Variants in MEG3 observed in about 807,000 individuals in gnomAD.
MEG3 encodes Very putative protein from MEG3 locus.
upstream of MEG3, chr14:100,855,588 A>C (rs2038215534): frequency 6.6e-6 from 1 of 152,244 alleles, no homozygotes; most frequent in Non-Finnish European, 1.5e-5. Flanking sequence ...CTTTGCTTTC[A>C]GCCTTTCAGC....
intron 2 of MEG3, among the ~76,000 whole-genome samples, chr14:100,838,546 G>C (rs1419871017): frequency 6.6e-6 from 1 of 152,202 alleles, no homozygotes; most frequent in Non-Finnish European, 1.5e-5. Context: ...TGATGGATTG[G>C]CCAATGCCTG....
Position 100,837,439 on chromosome 14 carries a change from G to A in MEG3, n.3045+1139G>A, listed in dbSNP as rs2037618420. ...AGAAGCTGGGTGGGCGCTGAGAAAG[G>A]TCTGAACCGTGGGGTGAGGCTGGCT... On this transcript the variant is annotated intron_variant and non_coding_transcript_variant, in intron 2 of 3. Coordinates refer to the MEG3 transcript ENST00000398461. The surrounding 1 kb of genome is among the most constrained non-coding windows in gnomAD (Gnocchi z 5.8). Among the ~76,000 whole-genome samples, 1 of 152,134 alleles carries A rather than the reference G, an allele frequency of 6.6e-6. No individual in the cohort carries two copies. Among genetic ancestry groups the A allele is most frequent in the Admixed American group, 6.5e-5 (1 of 15,284 alleles).
intron 2 of MEG3, among the ~76,000 whole-genome samples, chr14:100,844,185 A>G (rs2037845297): frequency 6.6e-6 from 1 of 152,068 alleles, no homozygotes; most frequent in South Asian, 2.1e-4. Context: ...CATCTCTCTC[A>G]TGGCCTTTCT....
rs146149136 is a variant in MEG3, at chr14:100,839,352, C to G, written n.3045+3052C>G. ...GACTGGTTCCCCCTCCCTGCTGTTT[C>G]TCTGAGCCCTGTCCCCTCTTCCAAA... On this transcript the variant is annotated intron_variant and non_coding_transcript_variant, in intron 2 of 3. Transcript: ENST00000398461. Among the ~76,000 whole-genome samples the G allele has an allele frequency of 2.3e-3, 344 of 152,274 alleles. 1 individual carries two copies. The highest frequency in any genetic ancestry group is 4.1e-3 in the Non-Finnish European group (278 of 68,010).
At chr14:100,851,620 G>A (rs2038078525) in intron 3 of MEG3, 1 of 152,320 alleles carries the variant, frequency 6.6e-6, no homozygotes, top group African/African-American at 2.4e-5. Context: ...CTGGGCAGCA[G>A]GTGCACCTCA....
rs189095062 is a variant in MEG3, at chr14:100,837,690, T to A, written n.3045+1390T>A. On this transcript the variant is annotated intron_variant and non_coding_transcript_variant, in intron 2 of 3. Coordinates refer to the MEG3 transcript ENST00000398461. The surrounding 1 kb of genome is among the most constrained non-coding windows in gnomAD (Gnocchi z 5.8). ...CCACCCCCCACCCCCGGAGTGTCTCTGGTTTCCGACGCAGCCTCGTAATGC... is the reference window on the plus strand; with the variant it reads ...CCACCCCCCACCCCCGGAGTGTCTCAGGTTTCCGACGCAGCCTCGTAATGC... Among the ~76,000 whole-genome samples the A allele has an allele frequency of 4.1e-3, 622 of 151,552 alleles. 19 individuals are homozygous for A. The highest frequency in any genetic ancestry group is 0.031 in the Admixed American group (479 of 15,260).
exon 1 of MEG3, chr14:100,834,804 G>A (rs956344518): frequency 2.2e-6 from 1 of 456,612 alleles, no homozygotes; most frequent in African/African-American, 2.0e-5. Flanking sequence ...GCTGGGCCAT[G>A]CGAAGAGTTC....
chr14:100,850,994 C>T (rs1216765437), intron 3 of MEG3: 4 of 152,534 alleles, frequency 2.6e-5, no homozygotes, highest in Admixed American at 2.6e-4. Flanking sequence ...ATGTGCTTGT[C>T]ACATGCACTT....
chr14:100,852,540 TG>T, upstream of MEG3: 1 of 440,144 alleles, frequency 2.3e-6, no homozygotes, highest in Non-Finnish European at 4.6e-6. Context: ...GACTGAGGTC[TG>T]GGGGTGCACT....
At chr14:100,843,705 G>A (rs2037826786) in intron 2 of MEG3, among the ~76,000 whole-genome samples, 1 of 152,164 alleles carries the variant, frequency 6.6e-6, no homozygotes, top group African/African-American at 2.4e-5. Context: ...AGAGGCAGCA[G>A]GGGTGGCCCA....
intron 3 of MEG3, chr14:100,848,985 G>A (rs1201069251): frequency 6.6e-5 from 10 of 152,182 alleles, no homozygotes; most frequent in Non-Finnish European, 4.4e-5. Flanking sequence ...TACCTGAATA[G>A]AGGAGTGACC....
At chr14:100,842,662 C>G (rs561851533) in intron 2 of MEG3, among the ~76,000 whole-genome samples, 1 of 152,300 alleles carries the variant, frequency 6.6e-6, no homozygotes, top group African/African-American at 2.4e-5. Flanking sequence ...AAAAGTCATC[C>G]TTTTAGGTCC....
intron 2 of MEG3, among the ~76,000 whole-genome samples, chr14:100,843,838 T>G (rs1310178255): frequency 6.2e-5 from 9 of 144,330 alleles, no homozygotes; most frequent in Admixed American, 5.5e-4. Flanking sequence ...GACCTGTTTT[T>G]TTTTTTTTTT....
Position 100,845,067 on chromosome 14 carries a change from G to C in MEG3, n.3046-391G>C, listed in dbSNP as rs2037876392. 6.6e-6 allele frequency among the ~76,000 whole-genome samples: 1 copy of C among 152,194 alleles called. No homozygotes were observed. Among genetic ancestry groups the C allele is most frequent in the Non-Finnish European group, 1.5e-5 (1 of 68,038 alleles). ...GCTTCCCTGGTCTCCTCCAGGGCCA[G>C]CCATCCTGCTCGCCGACCTGGGCAC... is the stretch of plus-strand genomic sequence containing the variant. On this transcript the variant is annotated intron_variant and non_coding_transcript_variant, in intron 2 of 3. Transcript: ENST00000398461. The surrounding 1 kb of genome is among the most constrained non-coding windows in gnomAD (Gnocchi z 5.2).
chr14:100,849,536 G>T (rs1174493239), intron 3 of MEG3: 1 of 152,212 alleles, frequency 6.6e-6, no homozygotes, highest in Non-Finnish European at 1.5e-5. Context: ...CCATAAGCGT[G>T]AAAAGAGGCA....
chr14:100,843,003 C>G (rs1327969256), intron 2 of MEG3, among the ~76,000 whole-genome samples: 3 of 152,176 alleles, frequency 2.0e-5, no homozygotes, highest in African/African-American at 7.2e-5. Context: ...GATTCTAGCC[C>G]AGCACTGCGT....
At chr14:100,826,647 G>C (rs951593293) in intron 1 of MEG3, among the ~76,000 whole-genome samples, 1 of 152,196 alleles carries the variant, frequency 6.6e-6, no homozygotes, top group East Asian at 1.9e-4. Flanking sequence ...CATGAATTAG[G>C]GGGGGAAGCA....
chr14:100,849,007 C>T (rs1015554127), intron 3 of MEG3: 5 of 152,020 alleles, frequency 3.3e-5, no homozygotes, highest in African/African-American at 4.8e-5. Context: ...GAATAGAATT[C>T]GTTCAGCCGA....
At chr14:100,850,824 G>A (rs2038051156) in intron 3 of MEG3, 1 of 152,274 alleles carries the variant, frequency 6.6e-6, no homozygotes, top group Admixed American at 6.5e-5. Flanking sequence ...AAAGGACTCA[G>A]ATCTAAATGG....
Sources: allele counts gnomAD v4.1 joint callset (sites outside exome capture counted in the v4.1 genomes callset), GRCh38; gene constraint gnomAD v4.1.1; non-coding constraint Gnocchi (gnomAD v3.1); transcripts MANE v1.5; gene names NCBI Gene and HGNC (gene_info 2026-07-23, HGNC 2026-07-21).